SEMA6B: variants seen among roughly 807,000 people sequenced by gnomAD.
The protein encoded by SEMA6B is semaphorin-6B.
SEMA6B carries 47 observed loss-of-function variants against 78.6 expected under a neutral mutation model. The observed-to-expected ratio is 0.60, with a 90% confidence interval of 0.47 to 0.76. The LOEUF (loss-of-function observed/expected upper bound fraction) is 0.76, where lower values mean the gene tolerates loss of function less well. Among genes scored for constraint, SEMA6B ranks in the 30% least tolerant of loss-of-function variants. The pLI, the probability that SEMA6B is intolerant of heterozygous loss-of-function variation, is 0.00. For synonymous variants in SEMA6B, 632 were observed against 592.2 expected (o/e 1.07, Z -0.98); for missense variants, 1,213 against 1,269.9 (o/e 0.96, Z 0.68).
In SEMA6B at chr19:4,555,169, G is replaced by C; in HGVS notation, c.563-74C>G. 6.6e-7 allele frequency: 1 copy of C among 1,504,068 alleles called. No homozygotes were observed. The highest frequency in any genetic ancestry group is 1.7e-5 in the Admixed American group (1 of 58,190). 93.2% of individuals were successfully genotyped at this position (1,504,068 alleles called of 1,614,324 possible). A position where few individuals can be genotyped will look rare whatever the true frequency, so the allele number is the denominator to read the frequency against. ...CCAGGGGCTGGGTGGGTCGAAACTC[G>C]ATTTTCTGAGACTGAGTCCTGAGCC... On this transcript the variant is annotated intron_variant, in intron 7 of 16. Transcript: ENST00000586582. This position sits in a 1 kb window ranked among gnomAD's most constrained non-coding sequence, Gnocchi z 6.1.
chr19:4,543,790 C>A lies in SEMA6B; in HGVS notation c.2478G>T (p.Thr826=), dbSNP rs1977085278. 4.9e-6 allele frequency: 6 copies of A among 1,221,006 alleles called. No individual in the cohort carries two copies. The highest frequency in any genetic ancestry group is 6.1e-6 in the Non-Finnish European group (6 of 981,164). 75.6% of individuals were successfully genotyped at this position (1,221,006 alleles called of 1,614,324 possible). The change falls in exon 17 of 17, where the codon ACG becomes ACT. Residue 826 remains threonine, a synonymous_variant. Transcript: ENST00000586582. ...GLPRPWSPPP[T]GSLRRPLGPH... ...GGCCCAGTGGCCTCCTCAGGCTGCC[C>A]GTCGGGGGCGGGCTCCAGGGCCGCG...
intron 14 of SEMA6B, among the ~76,000 whole-genome samples, chr19:4,546,938 A>C (rs1977183835): frequency 7.0e-6 from 1 of 142,302 alleles, no homozygotes; most frequent in South Asian, 2.3e-4. Flanking sequence ...AAAATTAAAA[A>C]AATTTTTTTA....
chr19:4,551,007 G>A, intron 10 of SEMA6B, 77 bp from the exon 11 acceptor site: 1 of 1,517,340 alleles, frequency 6.6e-7, no homozygotes, highest in Non-Finnish European at 9.1e-7. Context: ...AGGAGCCTCT[G>A]TCTGCAGGAG....
rs770384038 is a variant in SEMA6B at position 4,542,872 on chromosome 19, C to T, written c.*729G>A. On this transcript the variant is annotated 3_prime_UTR_variant, in exon 17 of 17. Transcript: ENST00000586582. ...CCCTCCTCGTGTCTCCTGCCTGAAA[C>T]CCCGGCATTGTCCCCGCTTCCCTCT... 69 of 701,784 alleles carry T rather than the reference C, an allele frequency of 9.8e-5. No individual in the cohort carries two copies. The highest frequency in any genetic ancestry group is 1.6e-4 in the Non-Finnish European group (63 of 384,790). 43.5% of individuals were successfully genotyped at this position (701,784 alleles called of 1,614,324 possible). A position where few individuals can be genotyped will look rare whatever the true frequency, so the allele number is the denominator to read the frequency against.
In SEMA6B at chr19:4,548,193, T is replaced by G; in HGVS notation, c.1455-20A>C. 1 of 1,588,604 alleles carries G rather than the reference T, an allele frequency of 6.3e-7. No homozygotes were observed. The highest frequency in any genetic ancestry group is 8.6e-7 in the Non-Finnish European group (1 of 1,161,220). Reference sequence around the variant, plus strand: ...CCACACCTGGGGACAAGCAGAGTGGTGAGGCTGAGCGCATCTCAGCCCATC... The same window carrying G: ...CCACACCTGGGGACAAGCAGAGTGGGGAGGCTGAGCGCATCTCAGCCCATC... On this transcript the variant is annotated intron_variant, in intron 13 of 16. Coordinates refer to ENST00000586582, the MANE Select transcript of SEMA6B (RefSeq NM_032108.4).
At chr19:4,553,086 C>T (rs1977373582) in intron 9 of SEMA6B, among the ~76,000 whole-genome samples, 1 of 151,978 alleles carries the variant, frequency 6.6e-6, no homozygotes, top group Admixed American at 6.6e-5. Context: ...GATGGACGGA[C>T]GATTACAATG....
chr19:4,554,717 A>G (rs1408170603), intron 8 of SEMA6B, among the ~76,000 whole-genome samples: 1 of 152,204 alleles, frequency 6.6e-6, no homozygotes, highest in Non-Finnish European at 1.5e-5. Flanking sequence ...TCATGTGTTG[A>G]AGAGCTGAGT....
intron 10 of SEMA6B, among the ~76,000 whole-genome samples, chr19:4,551,985 A>C (rs1977345962): frequency 6.6e-6 from 1 of 152,064 alleles, no homozygotes; most frequent in Non-Finnish European, 1.5e-5. Flanking sequence ...GATCCATCCT[A>C]CCAGTTCCCT....
chr19:4,550,831 C>A lies in SEMA6B; in HGVS notation c.1089G>T (p.Thr363=). 1 of 1,613,536 alleles carries A rather than the reference C, an allele frequency of 6.2e-7. No individual in the cohort carries two copies. The highest frequency in any genetic ancestry group is 8.5e-7 in the Non-Finnish European group (1 of 1,180,014). Reference sequence around the variant, plus strand: ...GAGGCACCTGATCCTCCGGCACCGGCGTCCAGATGGACTCGGGGGACTTCT... The same window carrying A: ...GAGGCACCTGATCCTCCGGCACCGGAGTCCAGATGGACTCGGGGGACTTCT... ...REQKSPESIW[T]PVPEDQVPRP... Residue 363 remains threonine, a synonymous_variant, in exon 11 of 17, where the codon ACG becomes ACT. Coordinates refer to ENST00000586582, the MANE Select transcript of SEMA6B (RefSeq NM_032108.4). The surrounding 1 kb of genome is among the most constrained non-coding windows in gnomAD (Gnocchi z 6.6).
chr19:4,545,340 C>CAAA lies in SEMA6B; in HGVS notation c.1739-814_1739-812dup, dbSNP rs552554036. ...TGGGTGACAGAGCAAGACTCTGTCTCAAAAAAAAAAAAAAAAGACATGTTC... is the reference window on the plus strand; with the variant it reads ...TGGGTGACAGAGCAAGACTCTGTCTCAAAAAAAAAAAAAAAAAAAGACATGTTC... On this transcript the variant is annotated intron_variant, in intron 16 of 16. Coordinates refer to ENST00000586582, the MANE Select transcript of SEMA6B (RefSeq NM_032108.4). 7.6e-3 allele frequency among the ~76,000 whole-genome samples: 870 copies of CAAA among 113,884 alleles called. 16 individuals are homozygous for CAAA. The highest frequency in any genetic ancestry group is 0.027 in the African/African-American group (799 of 29,496). 74.7% of individuals were successfully genotyped at this position (113,884 alleles called of 152,430 possible). A position where few individuals can be genotyped will look rare whatever the true frequency, so the allele number is the denominator to read the frequency against.
In SEMA6B at chr19:4,555,027, C is replaced by G. The variant is rs775279784; in HGVS notation, c.631G>C (p.Gly211Arg). 6.2e-7 allele frequency: 1 copy of G among 1,614,010 alleles called. No homozygotes were observed. Among genetic ancestry groups the G allele is most frequent in the Non-Finnish European group, 8.5e-7 (1 of 1,180,002 alleles). ...AIDAVIYRSLGDRPTLRTVKH... is the reference protein window; with the variant it reads ...AIDAVIYRSLRDRPTLRTVKH... ...ACGGTGCGCAGGGTGGGCCTGTCCCCGAGGCTGCGGTAGATGACAGCATCA... is the reference window on the plus strand; with the variant it reads ...ACGGTGCGCAGGGTGGGCCTGTCCCGGAGGCTGCGGTAGATGACAGCATCA... Residue 211 changes from glycine (G) to arginine (R), a missense_variant, in exon 8 of 17, where the codon GGG becomes CGG. By Grantham distance (125) the Gly-to-Arg change is moderately radical. Transcript: ENST00000586582. The surrounding 1 kb of genome is among the most constrained non-coding windows in gnomAD (Gnocchi z 6.1).
chr19:4,558,420 A>C lies in SEMA6B; in HGVS notation c.38T>G (p.Leu13Arg). 6.0e-6 allele frequency: 7 copies of C among 1,166,932 alleles called. No individual in the cohort carries two copies. Among genetic ancestry groups the C allele is most frequent in the Non-Finnish European group, 6.5e-6 (6 of 921,142 alleles). 72.3% of individuals were successfully genotyped at this position (1,166,932 alleles called of 1,614,324 possible). Reference sequence around the variant, plus strand: ...CCCCAGTAGCAGCAGCAGAAGCAGCAGGGCCGGGCGGGGAGGGGACGCTCG... The same window carrying C: ...CCCCAGTAGCAGCAGCAGAAGCAGCCGGGCCGGGCGGGGAGGGGACGCTCG... ...TPRASPPRPALLLLLLLLGGA... is the reference protein window; with the variant it reads ...TPRASPPRPARLLLLLLLGGA... Residue 13 changes from leucine (L) to arginine (R), a missense_variant, in exon 2 of 17, where the codon CTG becomes CGG. By Grantham distance (102) the Leu-to-Arg change is moderately radical. Coordinates refer to ENST00000586582, the MANE Select transcript of SEMA6B (RefSeq NM_032108.4). The surrounding 1 kb of genome is among the most constrained non-coding windows in gnomAD (Gnocchi z 5.1).
rs1459418064 is a variant in SEMA6B, at chr19:4,557,320, C to T, written c.246-97G>A. The T allele has an allele frequency of 2.5e-5, 20 of 803,788 alleles. No homozygotes were observed. The Admixed American group carries it at 5.0e-4, about 20-fold the overall frequency. The allele number at this position is 803,788 out of a possible 1,614,324, so 49.8% of individuals were successfully genotyped here. On this transcript the variant is annotated intron_variant, in intron 3 of 16. Coordinates refer to ENST00000586582, the MANE Select transcript of SEMA6B (RefSeq NM_032108.4). ...AATGTGGTGTGCACACGGGGGCATG[C>T]AGGGCCATGCCAATGCCTCTGACAC...
chr19:4,551,240 G>C (rs563800387), intron 10 of SEMA6B, among the ~76,000 whole-genome samples: 2 of 144,480 alleles, frequency 1.4e-5, no homozygotes, highest in Admixed American at 1.4e-4. Context: ...TTTTTTTGGA[G>C]ACCGAGTCTT....
rs1334046941 is a variant in SEMA6B at position 4,543,543 on chromosome 19, C to A, written c.*58G>T. On this transcript the variant is annotated 3_prime_UTR_variant, in exon 17 of 17. Transcript: ENST00000586582. ...GCCCCGGGCCCCGGCGTTCTGGCAC[C>A]GTCTCTCGCTCCTGGTTCCCGTGGC... 1 of 961,976 alleles carries A rather than the reference C, an allele frequency of 1.0e-6. No individual in the cohort carries two copies. Among genetic ancestry groups the A allele is most frequent in the Admixed American group, 4.2e-5 (1 of 23,714 alleles). The allele number at this position is 961,976 out of a possible 1,614,324, so 59.6% of individuals were successfully genotyped here. A position where few individuals can be genotyped will look rare whatever the true frequency, so the allele number is the denominator to read the frequency against.
chr19:4,556,988 C>T lies in SEMA6B; in HGVS notation c.332G>A (p.Ser111Asn), dbSNP rs531951235. Residue 111 changes from serine (S) to asparagine (N), a missense_variant, in exon 5 of 17, where the codon AGC becomes AAC. Ser to Asn is a conservative substitution (Grantham distance 46). Coordinates refer to ENST00000586582, the MANE Select transcript of SEMA6B (RefSeq NM_032108.4). ...QRKLTWRSNPSDINVCRMKGK... is the reference protein window; with the variant it reads ...QRKLTWRSNPNDINVCRMKGK... ...CTTCATCCGACACACGTTTATGTCG[C>T]TGGGGTTAGATCTCCAGGTCAGCTT... 27 of 1,613,380 alleles carry T rather than the reference C, an allele frequency of 1.7e-5. No homozygotes were observed. In the African/African-American group the frequency reaches 3.1e-4, roughly 18 times the overall value.
At position 4,550,781 on chromosome 19, in the gene SEMA6B, G is replaced by C; in HGVS notation, c.1121+18C>G. On this transcript the variant is annotated intron_variant, in intron 11 of 16. Transcript: ENST00000586582. The surrounding 1 kb of genome is among the most constrained non-coding windows in gnomAD (Gnocchi z 6.6). ...GACCTCATCCGGGCATGTGACTCAGGATGGAGGGGGTTCTCACCGGGGTCG... is the reference window on the plus strand; with the variant it reads ...GACCTCATCCGGGCATGTGACTCAGCATGGAGGGGGTTCTCACCGGGGTCG... The C allele has an allele frequency of 6.2e-7, 1 of 1,612,968 alleles. No individual in the cohort carries two copies. Among genetic ancestry groups the C allele is most frequent in the Non-Finnish European group, 8.5e-7 (1 of 1,179,834 alleles).
Position 4,557,027 on chromosome 19 carries a change from G to T in SEMA6B, c.307-14C>A, listed in dbSNP as rs775708214. On this transcript the variant is annotated splice_polypyrimidine_tract_variant and intron_variant, in intron 4 of 16. Coordinates refer to ENST00000586582, the MANE Select transcript of SEMA6B (RefSeq NM_032108.4). ...CCAGGTCAGCTTCTGCAGACAGAGA[G>T]AGCTGGTGAGGGGGTAACGGGTCCC... The T allele has an allele frequency of 2.5e-6, 4 of 1,611,978 alleles. No individual in the cohort carries two copies. Among genetic ancestry groups the T allele is most frequent in the Non-Finnish European group, 2.5e-6 (3 of 1,178,966 alleles).
At chr19:4,551,374 C>A (rs955939293) in intron 10 of SEMA6B, among the ~76,000 whole-genome samples, 1 of 151,794 alleles carries the variant, frequency 6.6e-6, no homozygotes, top group Non-Finnish European at 1.5e-5. Flanking sequence ...TGCCCACCAC[C>A]ACACCCAGCT....
Sources: allele counts gnomAD v4.1 joint callset (sites outside exome capture counted in the v4.1 genomes callset), GRCh38; gene constraint gnomAD v4.1.1; non-coding constraint Gnocchi (gnomAD v3.1); transcripts MANE v1.5; gene names NCBI Gene and HGNC (gene_info 2026-07-23, HGNC 2026-07-21).